The following CDCA2 variants were observed in gnomAD, a reference collection of about 807,000 sequenced individuals.
CDCA2 encodes cell division cycle-associated protein 2.
Under a neutral mutation model 67.0 loss-of-function variants are expected in CDCA2, and 44 were observed. The observed-to-expected ratio is 0.66, with a 90% CI of 0.52 to 0.84. The LOEUF (loss-of-function observed/expected upper bound fraction) is 0.84. Among genes scored for constraint, CDCA2 ranks in the 40% least tolerant of loss-of-function variants. CDCA2 has a pLI of 0.00. For synonymous variants in CDCA2, 447 were observed against 418.7 expected (o/e 1.07, Z -0.82); for missense variants, 1,253 against 1,203.2 (o/e 1.04, Z -0.61).
intron 4 of CDCA2, among the ~76,000 whole-genome samples, chr8:25,462,436 G>A (rs913116439): frequency 9.2e-5 from 14 of 152,150 alleles, no homozygotes; most frequent in African/African-American, 3.4e-4. Context: ...AGACCAGCCT[G>A]GCCAACATGG....
intron 10 of CDCA2, among the ~76,000 whole-genome samples, chr8:25,484,484 A>G (rs1024481904): frequency 1.3e-5 from 2 of 152,250 alleles, no homozygotes; most frequent in African/African-American, 4.8e-5. Context: ...CAAATTACCA[A>G]AACTCACTAA....
chr8:25,500,273 A>C, intron 13 of CDCA2, among the ~76,000 whole-genome samples: 1 of 121,744 alleles, frequency 8.2e-6, no homozygotes, highest in African/African-American at 3.2e-5. Flanking sequence ...TTTTTTCCCC[A>C]TATATCAGAA....
rs562428534 is a variant in CDCA2, at chr8:25,488,591, T to C, written c.1573T>C (p.Leu525=). 8.7e-6 allele frequency: 14 copies of C among 1,612,768 alleles called. No individual in the cohort carries two copies. The highest frequency in any genetic ancestry group is 1.3e-5 in the African/African-American group (1 of 74,934). ...SVVEESVCNL[L]NTEVQPCKEK... is the part of the protein sequence containing the mutation. ...TGTAGAAGAGAGTGTTTGCAACTTA[T>C]TGAATACAGAAGTTCAGCCTTGTAA... Residue 525 remains leucine (L), a synonymous_variant, in exon 13 of 15, where the codon TTG becomes CTG. Coordinates refer to ENST00000330560, the MANE Select transcript of CDCA2 (RefSeq NM_152562.4).
At chr8:25,489,925 G>T in intron 13 of CDCA2, among the ~76,000 whole-genome samples, 1 of 152,118 alleles carries the variant, frequency 6.6e-6, no homozygotes, top group East Asian at 1.9e-4. Flanking sequence ...GTCAAAATCA[G>T]CATTTCTAAA....
intron 6 of CDCA2, 74 bp from the exon 7 acceptor site, chr8:25,469,822 T>G: frequency 2.3e-6 from 2 of 861,768 alleles, no homozygotes; most frequent in Non-Finnish European, 3.8e-6. Flanking sequence ...CCATAATGTT[T>G]ACTCAAATCT....
chr8:25,481,420 G>C (rs963000536), intron 8 of CDCA2, among the ~76,000 whole-genome samples: 2 of 152,196 alleles, frequency 1.3e-5, no homozygotes, highest in African/African-American at 2.4e-5. Context: ...GCCGGGCGTG[G>C]TGGCTTATGC....
chr8:25,498,913 A>G (rs546957001), intron 13 of CDCA2, among the ~76,000 whole-genome samples: 1 of 152,134 alleles, frequency 6.6e-6, no homozygotes, highest in Non-Finnish European at 1.5e-5. Flanking sequence ...GTTGAACCAT[A>G]TTTGTAATTG....
chr8:25,474,824 A>AGGGT (rs1177844805), intron 7 of CDCA2, among the ~76,000 whole-genome samples: 13 of 152,144 alleles, frequency 8.5e-5, no homozygotes, highest in Non-Finnish European at 1.9e-4. Context: ...TTGGCCCCAT[A>AGGGT]GGGTGGGCAG....
At chr8:25,463,070 C>G (rs7815856) in intron 4 of CDCA2, among the ~76,000 whole-genome samples, 146,314 of 152,184 alleles carry the variant, frequency 0.96, 70,569 homozygotes, top group East Asian at 1. Flanking sequence ...TTAAGATCTA[C>G]TTTTCTATGA....
intron 12 of CDCA2, 143 bp from the exon 13 acceptor site, chr8:25,488,409 G>A: frequency 1.6e-6 from 1 of 640,646 alleles, no homozygotes; most frequent in Non-Finnish European, 2.3e-6. Context: ...TCATCAAAGT[G>A]CTTTTAATAA....
intron 4 of CDCA2, among the ~76,000 whole-genome samples, chr8:25,465,714 C>A (rs543697683): frequency 6.6e-6 from 1 of 152,250 alleles, no homozygotes; most frequent in Admixed American, 6.5e-5. Flanking sequence ...ATGTATGGAA[C>A]TTCTGTGTCT....
At chr8:25,467,164 TTC>T (rs909990958) in intron 5 of CDCA2, among the ~76,000 whole-genome samples, 17 of 151,508 alleles carry the variant, frequency 1.1e-4, no homozygotes, top group Non-Finnish European at 2.2e-4. Context: ...TCTTTTTTTT[TTC>T]CCCCCCAATC....
intron 8 of CDCA2, among the ~76,000 whole-genome samples, chr8:25,482,935 A>G (rs1321509607): frequency 6.6e-6 from 1 of 152,170 alleles, no homozygotes; most frequent in Non-Finnish European, 1.5e-5. Flanking sequence ...TATTATAAGT[A>G]TTATTTAAAG....
At chr8:25,487,451 T>A in intron 12 of CDCA2, 117 bp downstream of exon 12, 2 of 716,002 alleles carry the variant, frequency 2.8e-6, no homozygotes, top group Non-Finnish European at 4.7e-6. Flanking sequence ...CATTAAGAAT[T>A]AATACTTTGG....
chr8:25,484,347 G>C, intron 10 of CDCA2, 137 bp downstream of exon 10: 1 of 1,232,442 alleles, frequency 8.1e-7, no homozygotes, highest in Non-Finnish European at 1.1e-6. Context: ...AATCTATTTT[G>C]TATGTAGGTT....
At chr8:25,488,771 T>C (rs949579263) in intron 13 of CDCA2, 82 bp downstream of exon 13, 29 of 1,352,770 alleles carry the variant, frequency 2.1e-5, no homozygotes, top group Non-Finnish European at 2.8e-5. Flanking sequence ...TAGAAACACA[T>C]TTTTTTCCAG....
At position 25,460,478 on chromosome 8, in the gene CDCA2, A is replaced by G. The variant is rs1802639602; in HGVS notation, c.156A>G (p.Lys52=). 3.7e-6 allele frequency: 6 copies of G among 1,614,174 alleles called. No homozygotes were observed. Among genetic ancestry groups the G allele is most frequent in the South Asian group, 2.2e-5 (2 of 91,086 alleles). ...PPNPCTPDTF[K]SPLNFSTVTV... Reference sequence around the variant, plus strand: ...ATCCTTGCACACCAGATACTTTTAAATCACCTTTGAACTTTTCCACAGTAA... The same window carrying G: ...ATCCTTGCACACCAGATACTTTTAAGTCACCTTTGAACTTTTCCACAGTAA... Residue 52 remains lysine, a synonymous_variant, in exon 3 of 15, where the codon AAA becomes AAG. Coordinates refer to ENST00000330560, the MANE Select transcript of CDCA2 (RefSeq NM_152562.4).
chr8:25,501,022 G>A (rs955673783), intron 13 of CDCA2, among the ~76,000 whole-genome samples: 2 of 151,756 alleles, frequency 1.3e-5, no homozygotes, highest in African/African-American at 4.8e-5. Context: ...CTTTTCTCTT[G>A]GCTTTCAGGT....
chr8:25,484,242 A>G (rs756625108), intron 10 of CDCA2, 32 bp downstream of exon 10: 23 of 1,606,238 alleles, frequency 1.4e-5, no homozygotes, highest in East Asian at 8.9e-5. Flanking sequence ...CAAGCTTGCC[A>G]TATGTATTTT....
Sources: allele counts gnomAD v4.1 joint callset (sites outside exome capture counted in the v4.1 genomes callset), GRCh38; gene constraint gnomAD v4.1.1; transcripts MANE v1.5; gene names NCBI Gene and HGNC (gene_info 2026-07-23, HGNC 2026-07-21).